The following KCNC4 variants were observed in gnomAD, a reference collection of about 807,000 sequenced individuals.
KCNC4 encodes potassium voltage-gated channel subfamily C member 4.
KCNC4 carries 23 observed loss-of-function variants against 42.8 expected under a neutral mutation model. That is an observed-to-expected ratio of 0.54 (90% CI 0.39 to 0.76). The LOEUF (loss-of-function observed/expected upper bound fraction) is 0.76, where lower values mean the gene tolerates loss of function less well. KCNC4 is among the 30% of genes least tolerant of loss of function. The probability of loss-of-function intolerance (pLI) is 0.00; values close to 1 mark genes in which losing one functional copy is unlikely to be tolerated. For synonymous variants in KCNC4, 422 were observed against 393.5 expected, an observed-to-expected ratio of 1.07 and a Z score of -0.86; for missense variants, 751 against 898.2, an observed-to-expected ratio of 0.84 and a Z score of 2.10.
chr1:110,233,615 TAG>T lies in KCNC4; in HGVS notation c.*644_*645del. 6.5e-6 allele frequency: 1 copy of T among 152,814 alleles called. No individual in the cohort carries two copies. The highest frequency in any genetic ancestry group is 2.1e-4 in the South Asian group (1 of 4,838). The allele number at this position is 152,814 out of a possible 1,614,324, so 9.5% of individuals were successfully genotyped here. On this transcript the variant is annotated 3_prime_UTR_variant, in exon 4 of 4. Transcript: ENST00000438661. The stretch of plus-strand genomic sequence containing the variant: ...CTCCACCCCATCTATGTCCTTGACT[TAG>T]GGGGGCATTTTGTCTTTTTTAGATT...
chr1:110,264,029 G>GT (rs1373299609), intron 1 of KCNC4, among the ~76,000 whole-genome samples: 1 of 152,118 alleles, frequency 6.6e-6, no homozygotes, highest in Non-Finnish European at 1.5e-5. Context: ...GAGAAAAGGT[G>GT]TTTTTTTAAC....
chr1:110,226,127 T>C lies in KCNC4; in HGVS notation c.1768T>C (p.Phe590Leu), dbSNP rs762543109. The C allele has an allele frequency of 6.2e-7, 1 of 1,614,132 alleles. No individual in the cohort carries two copies. Among genetic ancestry groups the C allele is most frequent in the South Asian group, 1.1e-5 (1 of 91,068 alleles). ...CAGAAACAAGAAGGCAGCTGCCTGC[T>C]TCCTGCTCAGCACTGGGGACTATGC... ...RDRNKKAAAC[F>L]LLSTGDYACA... The change falls in exon 3 of 4, where the codon TTC (phenylalanine) becomes CTC (leucine). Residue 590 changes from phenylalanine to leucine, a missense_variant. Transcript: ENST00000438661.
At position 110,223,383 on chromosome 1, in the gene KCNC4, G is replaced by T; in HGVS notation, c.1098G>T (p.Gly366=). The T allele has an allele frequency of 6.2e-7, 1 of 1,613,864 alleles. No individual in the cohort carries two copies. The highest frequency in any genetic ancestry group is 8.5e-7 in the Non-Finnish European group (1 of 1,179,960). ...RIFKLTRHFV[G]LRVLGHTLRA... is the part of the protein sequence containing the mutation. The stretch of plus-strand genomic sequence containing the variant: ...TCAAGCTCACACGCCACTTCGTGGG[G>T]CTACGCGTGCTGGGCCACACCCTGA... Residue 366 remains glycine (G), a synonymous_variant, in exon 2 of 4, where the codon GGG becomes GGT. Transcript: ENST00000438661. This position sits in a 1 kb window ranked among gnomAD's most constrained non-coding sequence, Gnocchi z 7.5.
chr1:110,272,577 A>C (rs1659653075), intron 1 of KCNC4: 1 of 152,222 alleles, frequency 6.6e-6, no homozygotes, highest in Non-Finnish European at 1.5e-5. Flanking sequence ...GTAGTCACAC[A>C]ATAGTGCTGT....
chr1:110,220,778 G>C (rs1291215147), intron 1 of KCNC4: 1 of 152,204 alleles, frequency 6.6e-6, no homozygotes, highest in Non-Finnish European at 1.5e-5. Flanking sequence ...AGAGCCCACA[G>C]GCTGGAGCCA....
Position 110,223,178 on chromosome 1 carries a change from T to C in KCNC4, c.893T>C (p.Val298Ala). 6.2e-7 allele frequency: 1 copy of C among 1,614,230 alleles called. No homozygotes were observed. The highest frequency in any genetic ancestry group is 8.5e-7 in the Non-Finnish European group (1 of 1,180,026). ...CTGTGGTTCACACTGGAGTTCCTGGTGCGCATCGTGTGCTGCCCCGACACG... is the reference window on the plus strand; with the variant it reads ...CTGTGGTTCACACTGGAGTTCCTGGCGCGCATCGTGTGCTGCCCCGACACG... ...CVLWFTLEFLVRIVCCPDTLD... is the reference protein window; with the variant it reads ...CVLWFTLEFLARIVCCPDTLD... Residue 298 changes from valine to alanine, a missense_variant, in exon 2 of 4, where the codon GTG becomes GCG. Val to Ala is a moderately conservative substitution (Grantham distance 64). Transcript: ENST00000438661. The surrounding 1 kb of genome is among the most constrained non-coding windows in gnomAD (Gnocchi z 7.5).
In KCNC4 at chr1:110,226,098, G is replaced by A. The variant is rs770965544; in HGVS notation, c.1739G>A (p.Arg580Gln). ...ERRALRRSTTRDRNKKAAACF... is the reference protein window; with the variant it reads ...ERRALRRSTTQDRNKKAAACF... Reference sequence around the variant, plus strand: ...CGGGCCCTGCGACGCTCCACCACTCGAGACAGAAACAAGAAGGCAGCTGCC... The same window carrying A: ...CGGGCCCTGCGACGCTCCACCACTCAAGACAGAAACAAGAAGGCAGCTGCC... Residue 580 changes from arginine to glutamine, a missense_variant, in exon 3 of 4, where the codon CGA becomes CAA. Coordinates refer to ENST00000438661, the MANE Select transcript of KCNC4 (RefSeq NM_001039574.3). 9.9e-6 allele frequency: 16 copies of A among 1,613,976 alleles called. No homozygotes were observed. The highest frequency in any genetic ancestry group is 3.3e-5 in the Admixed American group (2 of 60,002).
chr1:110,220,215 CCTCTT>C (rs1269553263), intron 1 of KCNC4: 5 of 152,246 alleles, frequency 3.3e-5, no homozygotes, highest in African/African-American at 1.2e-4. Flanking sequence ...TAGCTCCCCT[CCTCTT>C]CTCAGGGTGG....
At chr1:110,232,416 G>T in intron 3 of KCNC4, 1 of 1,510,650 alleles carries the variant, frequency 6.6e-7, no homozygotes, top group Non-Finnish European at 8.9e-7. Context: ...AGCTACTTGG[G>T]GGAGAGCTCA....
intron 3 of KCNC4, chr1:110,232,620 C>T: frequency 1.4e-6 from 2 of 1,441,382 alleles, no homozygotes; most frequent in Non-Finnish European, 1.8e-6. Context: ...GCTACAACAT[C>T]ACCTGAGTCA....
At chr1:110,222,682 A>C in intron 1 of KCNC4, 1 of 408,212 alleles carries the variant, frequency 2.4e-6, no homozygotes, top group Non-Finnish European at 4.5e-6. Flanking sequence ...GGGCAGAGCT[A>C]TCAAAGGCAG....
In KCNC4 at chr1:110,233,419, G is replaced by GT. The variant is rs766408111; in HGVS notation, c.*450dup. On this transcript the variant is annotated 3_prime_UTR_variant, in exon 4 of 4. Transcript: ENST00000438661. ...AGTCCCAGGCTCCTGTCTTGGGGAT[G>GT]TTTCCCCTGTCAGCAAGTAACCTGG... The GT allele has an allele frequency of 4.9e-6, 1 of 205,744 alleles. No individual in the cohort carries two copies. Among genetic ancestry groups the GT allele is most frequent in the Non-Finnish European group, 9.9e-6 (1 of 100,982 alleles). 12.7% of individuals were successfully genotyped at this position (205,744 alleles called of 1,614,324 possible). A position where few individuals can be genotyped will look rare whatever the true frequency, so the allele number is the denominator to read the frequency against.
At chr1:110,275,482 C>CATTT (rs1200163709) in intron 1 of KCNC4, among the ~76,000 whole-genome samples, 2 of 152,140 alleles carry the variant, frequency 1.3e-5, no homozygotes, top group Non-Finnish European at 2.9e-5. Context: ...ATAGAACTAC[C>CATTT]ATTTGATCCA....
chr1:110,281,555 AACACACACACACAC>A (rs55839432), intron 1 of KCNC4, among the ~76,000 whole-genome samples: 3 of 140,350 alleles, frequency 2.1e-5, no homozygotes, highest in African/African-American at 5.4e-5. Flanking sequence ...CATATGTAAA[AACACACACACACAC>A]ACACACACAC....
exon 4 of KCNC4, chr1:110,240,031 G>A (rs1658996334): frequency 6.7e-6 from 1 of 148,964 alleles, no homozygotes; most frequent in Non-Finnish European, 1.5e-5. Context: ...AAGGAAGAGT[G>A]AGAAAGAAGG....
intron 1 of KCNC4, among the ~76,000 whole-genome samples, chr1:110,267,493 G>A (rs1305520187): frequency 2.6e-5 from 4 of 151,880 alleles, no homozygotes; most frequent in African/African-American, 7.3e-5. Context: ...TGCCTCCACC[G>A]CCCACATGAA....
chr1:110,225,910 A>G, intron 2 of KCNC4, 65 bp from the exon 3 acceptor site: 2 of 1,442,860 alleles, frequency 1.4e-6, no homozygotes, highest in Non-Finnish European at 1.9e-6. Context: ...GGGAGACCCC[A>G]GATGACCCAT....
chr1:110,280,987 T>G (rs751202673), intron 1 of KCNC4, among the ~76,000 whole-genome samples: 2 of 152,180 alleles, frequency 1.3e-5, no homozygotes, highest in Non-Finnish European at 2.9e-5. Flanking sequence ...GTTGCATCCC[T>G]GAGGACAGGA....
intron 3 of KCNC4, among the ~76,000 whole-genome samples, chr1:110,227,484 CA>C: frequency 6.6e-6 from 1 of 152,298 alleles, no homozygotes; most frequent in East Asian, 1.9e-4. Flanking sequence ...GGAAGTGGTC[CA>C]GCAACCCCAG....
Sources: allele counts gnomAD v4.1 joint callset (sites outside exome capture counted in the v4.1 genomes callset), GRCh38; gene constraint gnomAD v4.1.1; non-coding constraint Gnocchi (gnomAD v3.1); transcripts MANE v1.5; gene names NCBI Gene and HGNC (gene_info 2026-07-23, HGNC 2026-07-21).